Variants in DCHS2 observed in about 807,000 individuals in gnomAD.
The protein encoded by DCHS2 is dachsous cadherin-related 2.
A neutral mutation model predicts 182.4 loss-of-function variants in DCHS2; 142 were observed. That is an observed-to-expected ratio of 0.78 (90% confidence interval 0.68 to 0.89). The LOEUF (loss-of-function observed/expected upper bound fraction) is 0.89, where lower values mean the gene tolerates loss of function less well. Ranked by LOEUF, DCHS2 falls within the 40% of genes least tolerant of loss-of-function variation. The pLI, the probability that DCHS2 is intolerant of heterozygous loss-of-function variation, is 0.00. For missense variants in DCHS2, 4,319 were observed against 4,198.6 expected, an observed-to-expected ratio of 1.03 and a Z score of -0.79; for synonymous variants, 1,740 against 1,663.3, an observed-to-expected ratio of 1.05 and a Z score of -1.12.
intron 1 of DCHS2, among the ~76,000 whole-genome samples, chr4:154,449,665 G>A (rs940583737): frequency 6.6e-5 from 10 of 152,096 alleles, no homozygotes; most frequent in Admixed American, 2.6e-4. Context: ...GAGCCACCAC[G>A]CCCAGCCAAT....
chr4:154,415,120 G>A (rs1266832413), intron 1 of DCHS2, among the ~76,000 whole-genome samples: 1 of 152,174 alleles, frequency 6.6e-6, no homozygotes, highest in Non-Finnish European at 1.5e-5. Context: ...TACTACTGAA[G>A]ACCGGGAGGG....
chr4:154,387,937 A>T (rs890214964), intron 1 of DCHS2, among the ~76,000 whole-genome samples: 1 of 152,088 alleles, frequency 6.6e-6, no homozygotes, highest in Non-Finnish European at 1.5e-5. Context: ...AATAAAAATA[A>T]AATAAAACTT....
At chr4:154,378,744 A>G (rs957786633) in intron 1 of DCHS2, among the ~76,000 whole-genome samples, 8 of 152,310 alleles carry the variant, frequency 5.3e-5, no homozygotes, top group Non-Finnish European at 1.0e-4. Context: ...ATTCTTATCC[A>G]TACAATTGGC....
At chr4:154,373,765 C>T (rs1042212918) in intron 2 of DCHS2, 2 of 613,510 alleles carry the variant, frequency 3.3e-6, no homozygotes, top group Non-Finnish European at 5.6e-6. Context: ...CTCATACCTG[C>T]AAGACGGGCA....
At chr4:154,383,798 T>C (rs183945057) in intron 1 of DCHS2, among the ~76,000 whole-genome samples, 5 of 152,094 alleles carry the variant, frequency 3.3e-5, no homozygotes, top group African/African-American at 1.2e-4. Context: ...TCCTAAGCAA[T>C]TGTACACTCA....
intron 1 of DCHS2, among the ~76,000 whole-genome samples, chr4:154,431,681 A>T (rs1733565698): frequency 6.6e-6 from 1 of 152,200 alleles, no homozygotes; most frequent in Non-Finnish European, 1.5e-5. Context: ...TTCTTGTCCC[A>T]TGAGGACATA....
rs1276599229 is a variant in DCHS2 at position 154,489,681 on chromosome 4, T to G, written c.1675A>C (p.Met559Leu). Residue 559 changes from methionine (M) to leucine (L), a missense_variant, in exon 1 of 20, where the codon ATG becomes CTG. Coordinates refer to ENST00000357232, the MANE Select transcript of DCHS2 (RefSeq NM_001358235.2). The part of the protein sequence containing the change: ...SEAAAPGTVV[M>L]WVSASDADEA... Reference sequence around the variant, plus strand: ...TCGGCATCGGAGGCGCTGACCCACATGACTACAGTGCCAGGGGCCGCGGCC... The same window carrying G: ...TCGGCATCGGAGGCGCTGACCCACAGGACTACAGTGCCAGGGGCCGCGGCC... 6.4e-7 allele frequency: 1 copy of G among 1,551,660 alleles called. No individual in the cohort carries two copies. Among genetic ancestry groups the G allele is most frequent in the East Asian group, 2.4e-5 (1 of 40,886 alleles).
chr4:154,387,992 A>G (rs2110838255), intron 1 of DCHS2, among the ~76,000 whole-genome samples: 1 of 152,260 alleles, frequency 6.6e-6, no homozygotes, highest in East Asian at 1.9e-4. Flanking sequence ...ATTAAGTTGT[A>G]GAAAGATGTA....
intron 1 of DCHS2, among the ~76,000 whole-genome samples, chr4:154,433,789 C>T (rs958167926): frequency 2.0e-5 from 3 of 152,172 alleles, no homozygotes; most frequent in African/African-American, 7.2e-5. Flanking sequence ...GCAGTGGCCT[C>T]GCTGCTCTCA....
intron 10 of DCHS2, among the ~76,000 whole-genome samples, chr4:154,313,292 A>T (rs1209646192): frequency 6.6e-6 from 1 of 152,104 alleles, no homozygotes; most frequent in Non-Finnish European, 1.5e-5. Flanking sequence ...ACCTTAGTTA[A>T]AATCTGGTAG....
intron 16 of DCHS2, among the ~76,000 whole-genome samples, chr4:154,243,501 C>G (rs529378185): frequency 6.6e-6 from 1 of 152,168 alleles, no homozygotes; most frequent in Non-Finnish European, 1.5e-5. Context: ...TGTATCTTAT[C>G]GGTATTACCT....
intron 1 of DCHS2, among the ~76,000 whole-genome samples, chr4:154,401,692 T>G (rs1230654718): frequency 6.6e-6 from 1 of 152,202 alleles, no homozygotes; most frequent in Non-Finnish European, 1.5e-5. Context: ...AACTGCACTG[T>G]CTCAAAAGTG....
chr4:154,289,500 C>T (rs180726999), intron 13 of DCHS2, among the ~76,000 whole-genome samples: 2 of 152,068 alleles, frequency 1.3e-5, no homozygotes, highest in Non-Finnish European at 2.9e-5. Flanking sequence ...CTGAATTTTA[C>T]CAAACATTTA....
chr4:154,423,228 A>G (rs1388901468), intron 1 of DCHS2, among the ~76,000 whole-genome samples: 6 of 152,196 alleles, frequency 3.9e-5, no homozygotes, highest in African/African-American at 7.2e-5. Context: ...GCCTAGCCCA[A>G]TGCTAACATT....
rs1311310050 is a variant in DCHS2, at chr4:154,473,144, C to T, written c.2052+16160G>A. Among the ~76,000 whole-genome samples the T allele has an allele frequency of 2.6e-5, 4 of 152,244 alleles. No homozygotes were observed. The East Asian group carries it at 5.8e-4, about 22-fold the overall frequency. ...TCTATCATCTCTTCAGCTGCTGCTC[C>T]AGAAATCCTCAGGCTAGGGTTACTT... is the stretch of plus-strand genomic sequence containing the variant. On this transcript the variant is annotated intron_variant, in intron 1 of 19. Transcript: ENST00000357232.
intron 1 of DCHS2, among the ~76,000 whole-genome samples, chr4:154,411,745 C>T (rs550723362): frequency 2.6e-5 from 4 of 152,232 alleles, no homozygotes; most frequent in African/African-American, 9.6e-5. Flanking sequence ...AAATGGATAA[C>T]TATGTGAGAT....
intron 5 of DCHS2, among the ~76,000 whole-genome samples, chr4:154,330,575 A>G (rs575394795): frequency 1.3e-5 from 2 of 151,210 alleles, no homozygotes; most frequent in East Asian, 3.9e-4. Context: ...ACCATTTATG[A>G]AAAAAAAATG....
chr4:154,263,223 A>T (rs904591007), intron 14 of DCHS2, among the ~76,000 whole-genome samples: 1 of 152,160 alleles, frequency 6.6e-6, no homozygotes, highest in Non-Finnish European at 1.5e-5. Context: ...ATACAATTTT[A>T]ATGATAATTT....
rs1257912142 is a variant in DCHS2, at chr4:154,320,633, GCT to G, written c.4764_4765del (p.Ala1589IlefsTer2). 6.2e-7 allele frequency: 1 copy of G among 1,614,038 alleles called. No individual in the cohort carries two copies. The highest frequency in any genetic ancestry group is 1.3e-5 in the African/African-American group (1 of 74,924). Reference sequence around the variant, plus strand: ...TGTCACATTCACAGCCTGATCAGATGCTGTTACTGTCAGGATGACAGTTGGAA... The same window carrying G: ...TGTCACATTCACAGCCTGATCAGATGGTTACTGTCAGGATGACAGTTGGAA... On this transcript the variant is annotated frameshift_variant, in exon 9 of 20. Transcript: ENST00000357232. LOFTEE classifies it high-confidence loss of function.
Sources: gnomAD v4.1 joint callset for allele counts (sites outside exome capture counted in the v4.1 genomes callset) on GRCh38, gnomAD v4.1.1 for gene constraint, MANE v1.5 for transcripts, NCBI Gene and HGNC (gene_info 2026-07-23, HGNC 2026-07-21) for gene names.